The following ZNF335 variants were observed in gnomAD, a reference collection of about 807,000 sequenced individuals.
ZNF335 encodes NRC-interacting factor 1.
A neutral mutation model predicts 145.6 loss-of-function variants in ZNF335; 84 were observed. That is an observed-to-expected ratio of 0.58 (90% CI 0.48 to 0.69). The LOEUF (loss-of-function observed/expected upper bound fraction) is 0.69. ZNF335 is among the 30% of genes least tolerant of loss of function. ZNF335 has a pLI of 0.00. For synonymous variants in ZNF335, 761 were observed against 717.0 expected (o/e 1.06, Z -0.98); for missense variants, 1,865 against 1,809.7 (o/e 1.03, Z -0.55).
chr20:45,960,547 G>A, intron 12 of ZNF335, 22 bp from the exon 13 acceptor site: 8 of 1,614,046 alleles, frequency 5.0e-6, no homozygotes, highest in South Asian at 1.1e-5. Flanking sequence ...GGAGAGCAGT[G>A]AGATGGCGAT....
chr20:45,949,526 G>A lies in ZNF335; in HGVS notation c.3712C>T (p.Pro1238Ser). ...TCAGGGACCACAACATATTCCTGGG[G>A]GAGCAGGTGCTGGACACCATCCTGG... ...ISQDGVQHLLPQEYVVVPEGH... is the reference protein window; with the variant it reads ...ISQDGVQHLLSQEYVVVPEGH... The change falls in exon 25 of 28, where the codon CCC becomes TCC. Residue 1238 changes from proline to serine, a missense_variant. Coordinates refer to ENST00000322927, the MANE Select transcript of ZNF335 (RefSeq NM_022095.4). 4 of 1,613,596 alleles carry A rather than the reference G, an allele frequency of 2.5e-6. No homozygotes were observed. The highest frequency in any genetic ancestry group is 1.3e-5 in the African/African-American group (1 of 75,044).
chr20:45,968,068 G>A (rs1487228081), intron 4 of ZNF335, 41 bp from the exon 5 acceptor site: 2 of 1,609,942 alleles, frequency 1.2e-6, no homozygotes, highest in African/African-American at 2.7e-5. Flanking sequence ...TTAAATGGAG[G>A]GCAGCACTGG....
chr20:45,970,788 C>T (rs1462474573), intron 2 of ZNF335, among the ~76,000 whole-genome samples: 1 of 138,642 alleles, frequency 7.2e-6, no homozygotes, highest in Non-Finnish European at 1.5e-5. Flanking sequence ...GATGAGGTCT[C>T]GCTATTTGCC....
rs774615087 is a variant in ZNF335, at chr20:45,949,225, G to A, written c.3846C>T (p.Gly1282=). 6.2e-7 allele frequency: 1 copy of A among 1,613,896 alleles called. No homozygotes were observed. Among genetic ancestry groups the A allele is most frequent in the Non-Finnish European group, 8.5e-7 (1 of 1,180,006 alleles). The change falls in exon 27 of 28, where the codon GGC becomes GGT. Residue 1282 remains glycine, a synonymous_variant. Transcript: ENST00000322927. ...SQIQYVPVSP[G]QQLVTQAQLE... is the part of the protein sequence containing the mutation. Reference sequence around the variant, plus strand: ...GTTGAGCCTGTGTGACAAGCTGCTGGCCTGGGGACACAGGCACATACTGGA... The same window carrying A: ...GTTGAGCCTGTGTGACAAGCTGCTGACCTGGGGACACAGGCACATACTGGA...
intron 2 of ZNF335, 105 bp downstream of exon 2, chr20:45,971,105 G>C (rs1223569107): frequency 1.4e-6 from 2 of 1,427,842 alleles, no homozygotes; most frequent in East Asian, 5.1e-5. Flanking sequence ...CAGTAAACCA[G>C]AAACACCAAG....
rs2145391218 is a variant in ZNF335, at chr20:45,960,890, GA to G, written c.1647-9del. On this transcript the variant is annotated splice_polypyrimidine_tract_variant and intron_variant, in intron 10 of 27. Transcript: ENST00000322927. ...GGATCTGGCCTCTTCTTCCTGTGGGGAAAAGGCCGAGGAATTAGACCAGAGC... is the reference window on the plus strand; with the variant it reads ...GGATCTGGCCTCTTCTTCCTGTGGGGAAAGGCCGAGGAATTAGACCAGAGC... 1.2e-6 allele frequency: 2 copies of G among 1,613,456 alleles called. No homozygotes were observed. Among genetic ancestry groups the G allele is most frequent in the Non-Finnish European group, 1.7e-6 (2 of 1,179,756 alleles).
At chr20:45,957,391 C>A (rs2083748247) in intron 17 of ZNF335, among the ~76,000 whole-genome samples, 195 bp downstream of exon 17, 1 of 152,318 alleles carries the variant, frequency 6.6e-6, no homozygotes, top group Middle Eastern at 3.4e-3. Context: ...GGACGGGATA[C>A]CCTGCGGCCT....
chr20:45,952,318 CG>C lies in ZNF335; in HGVS notation c.3017del (p.Pro1006ArgfsTer90). The C allele has an allele frequency of 1.9e-6, 3 of 1,613,406 alleles. No homozygotes were observed. The highest frequency in any genetic ancestry group is 2.5e-6 in the Non-Finnish European group (3 of 1,179,962). On this transcript the variant is annotated frameshift_variant, in exon 20 of 28. Coordinates refer to ENST00000322927, the MANE Select transcript of ZNF335 (RefSeq NM_022095.4). LOFTEE classifies it high-confidence loss of function. ...TSKALGLAVP[P>X]SPPSAATAAS... ...CAGCAGTGGCTGCAGATGGCGGTGA[CG>C]GGGGCACTGCCAGGCCCAGGGCTTT... is the stretch of plus-strand genomic sequence containing the variant.
chr20:45,953,585 G>C, intron 18 of ZNF335, 104 bp downstream of exon 18: 1 of 1,455,624 alleles, frequency 6.9e-7, no homozygotes, highest in Non-Finnish European at 9.4e-7. Context: ...GATGTGTATT[G>C]GGATTTTTGC....
At position 45,968,273 on chromosome 20, in the gene ZNF335, C is replaced by CACCGA. The variant is rs2083998598; in HGVS notation, c.520+11_520+12insTCGGT. ...CTGCAGGCCTCCCCGATTCTGGCACCTGGGGTCTTACCATCATCTGGGCCC... is the reference window on the plus strand; with the variant it reads ...CTGCAGGCCTCCCCGATTCTGGCACCACCGATGGGGTCTTACCATCATCTGGGCCC... On this transcript the variant is annotated intron_variant, in intron 4 of 27. Transcript: ENST00000322927. The CACCGA allele has an allele frequency of 6.2e-7, 1 of 1,611,524 alleles. No homozygotes were observed. Among genetic ancestry groups the CACCGA allele is most frequent in the Non-Finnish European group, 8.5e-7 (1 of 1,178,156 alleles).
Position 45,963,882 on chromosome 20 carries a change from C to T in ZNF335, c.1211G>A (p.Gly404Asp). The change falls in exon 8 of 28, where the codon GGC (glycine) becomes GAC (aspartate). Residue 404 changes from glycine to aspartate, a missense_variant. Transcript: ENST00000322927. Reference sequence around the variant, plus strand: ...TTCCACAGGGGTCCTGCTCACCTTGCCCATGGCCACCAGGTGTCCTGGGCC... The same window carrying T: ...TTCCACAGGGGTCCTGCTCACCTTGTCCATGGCCACCAGGTGTCCTGGGCC... Reference protein sequence around the residue: ...SSGPGHLVAMGKVSRTPVEAG... With the variant: ...SSGPGHLVAMDKVSRTPVEAG... 1 of 1,604,756 alleles carries T rather than the reference C, an allele frequency of 6.2e-7. No homozygotes were observed. Among genetic ancestry groups the T allele is most frequent in the East Asian group, 2.2e-5 (1 of 44,770 alleles).
Position 45,950,368 on chromosome 20 carries a change from T to C in ZNF335, c.3338A>G (p.Asn1113Ser), listed in dbSNP as rs948320152. The change falls in exon 22 of 28, where the codon AAC (asparagine) becomes AGC (serine). Residue 1113 changes from asparagine (N) to serine (S), a missense_variant. Physicochemically the swap from Asn to Ser is conservative, Grantham distance 46. Transcript: ENST00000322927. ...GTGGAACTTGAGGTGCCCGTTACGG[T>C]TGAAACTGAGGGGGATGAAAGGTGG... is the stretch of plus-strand genomic sequence containing the variant. ...FACHLCGQRFNRNGHLKFHIQ... is the reference protein window; with the variant it reads ...FACHLCGQRFSRNGHLKFHIQ... The C allele has an allele frequency of 1.2e-5, 19 of 1,599,510 alleles. No individual in the cohort carries two copies. The highest frequency in any genetic ancestry group is 1.7e-4 in the Middle Eastern group (1 of 6,026).
chr20:45,952,726 G>A lies in ZNF335; in HGVS notation c.2703-17C>T. The A allele has an allele frequency of 6.2e-7, 1 of 1,611,484 alleles. No individual in the cohort carries two copies. The highest frequency in any genetic ancestry group is 8.5e-7 in the Non-Finnish European group (1 of 1,178,430). ...GGCTCCTCGCTGTGGGCATGGAGAA[G>A]GTTCTAGGAGAAGATGGAGGGCCAC... On this transcript the variant is annotated splice_polypyrimidine_tract_variant and intron_variant, in intron 18 of 27. Transcript: ENST00000322927.
chr20:45,952,109 T>C (rs370500881), intron 20 of ZNF335, 38 bp downstream of exon 20: 1 of 1,549,400 alleles, frequency 6.5e-7, no homozygotes, highest in African/African-American at 1.4e-5. Flanking sequence ...AGTAGCCCAA[T>C]GAATGACAGC....
chr20:45,950,420 C>A, intron 21 of ZNF335, 33 bp downstream of exon 21: 2 of 1,613,734 alleles, frequency 1.2e-6, no homozygotes, highest in Non-Finnish European at 1.7e-6. Context: ...CATACATGCC[C>A]AGCAGTCCCC....
At chr20:45,949,734 C>A in intron 24 of ZNF335, 66 bp downstream of exon 24, 1 of 1,584,142 alleles carries the variant, frequency 6.3e-7, no homozygotes, top group Non-Finnish European at 8.7e-7. Context: ...TCATTCCTCC[C>A]CAAGGTAGGT....
Position 45,949,212 on chromosome 20 carries a change from T to A in ZNF335, c.3859A>T (p.Thr1287Ser). The change falls in exon 27 of 28, where the codon ACA (threonine) becomes TCA (serine). Residue 1287 changes from threonine (T) to serine (S), a missense_variant. Thr to Ser is a moderately conservative substitution (Grantham distance 58). Transcript: ENST00000322927. Reference sequence around the variant, plus strand: ...GCTGCAGCCTCAAGTTGAGCCTGTGTGACAAGCTGCTGGCCTGGGGACACA... The same window carrying A: ...GCTGCAGCCTCAAGTTGAGCCTGTGAGACAAGCTGCTGGCCTGGGGACACA... The part of the protein sequence containing the change: ...VPVSPGQQLV[T>S]QAQLEAAAHS... The A allele has an allele frequency of 6.2e-7, 1 of 1,613,890 alleles. No individual in the cohort carries two copies. Among genetic ancestry groups the A allele is most frequent in the Non-Finnish European group, 8.5e-7 (1 of 1,180,004 alleles).
In ZNF335 at chr20:45,949,524, G is replaced by A. The variant is rs755176005; in HGVS notation, c.3714C>T (p.Pro1238=). The change falls in exon 25 of 28, where the codon CCC becomes CCT. Residue 1238 remains proline, a synonymous_variant. Coordinates refer to ENST00000322927, the MANE Select transcript of ZNF335 (RefSeq NM_022095.4). ...ISQDGVQHLL[P]QEYVVVPEGH... is the part of the protein sequence containing the mutation. ...CTTCAGGGACCACAACATATTCCTG[G>A]GGGAGCAGGTGCTGGACACCATCCT... 55 of 1,613,440 alleles carry A rather than the reference G, an allele frequency of 3.4e-5. 1 individual carries two copies. The South Asian group carries it at 5.8e-4, about 17-fold the overall frequency.
At chr20:45,965,971 C>T (rs960594743) in intron 6 of ZNF335, among the ~76,000 whole-genome samples, 197 bp from the exon 7 acceptor site, 8 of 152,148 alleles carry the variant, frequency 5.3e-5, no homozygotes, top group Non-Finnish European at 7.3e-5. Flanking sequence ...TCTTTCTCTA[C>T]CCTTCCTGGC....
Sources: gnomAD v4.1 joint callset for allele counts (sites outside exome capture counted in the v4.1 genomes callset) on GRCh38, gnomAD v4.1.1 for gene constraint, MANE v1.5 for transcripts, NCBI Gene and HGNC (gene_info 2026-07-23, HGNC 2026-07-21) for gene names.